Variants in ZNF462 observed in about 807,000 individuals in gnomAD.
ZNF462 encodes the protein zinc finger protein 462.
A neutral mutation model predicts 201.9 loss-of-function variants in ZNF462; 10 were observed. That is an observed-to-expected ratio of 0.05 (90% CI 0.03 to 0.08). The LOEUF (loss-of-function observed/expected upper bound fraction) is 0.08. Among genes scored for constraint, ZNF462 ranks in the 10% least tolerant of loss-of-function variants. The probability of loss-of-function intolerance (pLI) is 1.00; values close to 1 mark genes in which losing one functional copy is unlikely to be tolerated. For missense variants in ZNF462, 2,523 were observed against 3,168.3 expected (o/e 0.80, Z 4.89); for synonymous variants, 1,227 against 1,193.3 (o/e 1.03, Z -0.58).
chr9:106,871,364 G>T (rs1341364966), intron 1 of ZNF462, among the ~76,000 whole-genome samples: 1 of 152,176 alleles, frequency 6.6e-6, no homozygotes, highest in African/African-American at 2.4e-5. Flanking sequence ...AAGCTAACAG[G>T]AAAGTAGGCT....
chr9:106,988,291 C>G (rs780470487), intron 10 of ZNF462, among the ~76,000 whole-genome samples: 3 of 152,046 alleles, frequency 2.0e-5, no homozygotes, highest in Non-Finnish European at 2.9e-5. Context: ...GACACAAAAG[C>G]GGAAACCCCT....
At position 107,006,475 on chromosome 9, in the gene ZNF462, G is replaced by A. The variant is rs1320812515; in HGVS notation, c.7189+3049G>A. 1.3e-5 allele frequency among the ~76,000 whole-genome samples: 2 copies of A among 152,086 alleles called. No homozygotes were observed. The highest frequency in any genetic ancestry group is 2.4e-5 in the African/African-American group (1 of 41,418). The stretch of plus-strand genomic sequence containing the variant: ...CTGCACACCACTTTCCCAGTGCTTC[G>A]AGTAGTGTAATCTTCACTGAAGGGG... On this transcript the variant is annotated intron_variant, in intron 11 of 12. Transcript: ENST00000277225. The surrounding 1 kb of genome is among the most constrained non-coding windows in gnomAD (Gnocchi z 4.3).
chr9:106,899,804 G>A (rs1397259083), intron 1 of ZNF462, among the ~76,000 whole-genome samples: 1 of 152,152 alleles, frequency 6.6e-6, no homozygotes, highest in Non-Finnish European at 1.5e-5. Flanking sequence ...TTTAGGAGGA[G>A]ATAGTGTGGC....
Position 106,968,862 on chromosome 9 carries a change from GC to G in ZNF462, c.6428-3140del, listed in dbSNP as rs1477387494. ...TGATGATTTTTAACTTATGTGACATGCCCTTCGCAGCTAACAATCTGTTTGC... is the reference window on the plus strand; with the variant it reads ...TGATGATTTTTAACTTATGTGACATGCCTTCGCAGCTAACAATCTGTTTGC... On this transcript the variant is annotated intron_variant, in intron 7 of 12. Coordinates refer to ENST00000277225, the MANE Select transcript of ZNF462 (RefSeq NM_021224.6). The surrounding 1 kb of genome is among the most constrained non-coding windows in gnomAD (Gnocchi z 4.0). Among the ~76,000 whole-genome samples, 1 of 152,144 alleles carries G rather than the reference GC, an allele frequency of 6.6e-6. No homozygotes were observed. The highest frequency in any genetic ancestry group is 1.5e-5 in the Non-Finnish European group (1 of 68,016).
chr9:106,955,651 A>G (rs919456867), intron 7 of ZNF462, among the ~76,000 whole-genome samples: 7 of 152,190 alleles, frequency 4.6e-5, no homozygotes, highest in African/African-American at 1.2e-4. Context: ...TTTTACCCAC[A>G]GTAGAACTTC....
chr9:106,951,319 A>G (rs1338740348), intron 7 of ZNF462, among the ~76,000 whole-genome samples: 1 of 152,092 alleles, frequency 6.6e-6, no homozygotes, highest in Non-Finnish European at 1.5e-5. Flanking sequence ...AACGTTGAGT[A>G]AATAGATATC....
intron 7 of ZNF462, among the ~76,000 whole-genome samples, chr9:106,940,511 A>G (rs1260939431): frequency 6.6e-6 from 1 of 152,184 alleles, no homozygotes; most frequent in African/African-American, 2.4e-5. Context: ...GTAGGAGGAA[A>G]TGAAATGGTA....
chr9:106,928,773 C>A lies in ZNF462; in HGVS notation c.4861C>A (p.Pro1621Thr), dbSNP rs1830307220. 2 of 1,614,106 alleles carry A rather than the reference C, an allele frequency of 1.2e-6. No individual in the cohort carries two copies. Among genetic ancestry groups the A allele is most frequent in the Non-Finnish European group, 1.7e-6 (2 of 1,180,020 alleles). The part of the protein sequence containing the change: ...SPPKLPVPLE[P>T]EMTTEVSPSQ... Reference sequence around the variant, plus strand: ...CCCGAAGCTGCCAGTCCCCCTCGAGCCCGAGATGACCACTGAAGTGAGCCC... The same window carrying A: ...CCCGAAGCTGCCAGTCCCCCTCGAGACCGAGATGACCACTGAAGTGAGCCC... Residue 1621 changes from proline to threonine, a missense_variant, in exon 3 of 13, where the codon CCC becomes ACC. This residue lies in a region of ZNF462 where 200 missense variants were observed against 281.3 expected (regional missense o/e 0.71). Coordinates refer to ENST00000277225, the MANE Select transcript of ZNF462 (RefSeq NM_021224.6). This position sits in a 1 kb window ranked among gnomAD's most constrained non-coding sequence, Gnocchi z 9.3.
rs1828471658 is a variant in ZNF462 at position 106,993,738 on chromosome 9, A to T, written c.7056+9329A>T. Among the ~76,000 whole-genome samples, 1 of 151,850 alleles carries T rather than the reference A, an allele frequency of 6.6e-6. No homozygotes were observed. The highest frequency in any genetic ancestry group is 6.6e-5 in the Admixed American group (1 of 15,218). ...CCTTTATTAGCAATACTGTTGAAAG[A>T]TGAAGACAACATTTTTTCTTTTTTG... On this transcript the variant is annotated intron_variant, in intron 10 of 12. Coordinates refer to ENST00000277225, the MANE Select transcript of ZNF462 (RefSeq NM_021224.6). The surrounding 1 kb of genome is among the most constrained non-coding windows in gnomAD (Gnocchi z 4.0).
chr9:106,966,994 A>G lies in ZNF462; in HGVS notation c.6428-5011A>G, dbSNP rs1223701869. Among the ~76,000 whole-genome samples, 1 of 152,062 alleles carries G rather than the reference A, an allele frequency of 6.6e-6. No individual in the cohort carries two copies. Among genetic ancestry groups the G allele is most frequent in the Non-Finnish European group, 1.5e-5 (1 of 67,984 alleles). ...TCCTCTGGTATAGCTTCCTCTTTGT[A>G]TCACTTAGAGCATGCAAGGGGGCTG... On this transcript the variant is annotated intron_variant, in intron 7 of 12. Transcript: ENST00000277225. This position sits in a 1 kb window ranked among gnomAD's most constrained non-coding sequence, Gnocchi z 4.4.
rs1436555125 is a variant in ZNF462 at position 106,895,575 on chromosome 9, T to C, written c.-30-27779T>C. ...AAGGATGATAAGAGATCCCTGTTTCTGTCCGAATGAAGGGAGGGAGGGAAG... is the reference window on the plus strand; with the variant it reads ...AAGGATGATAAGAGATCCCTGTTTCCGTCCGAATGAAGGGAGGGAGGGAAG... On this transcript the variant is annotated intron_variant, in intron 1 of 12. Transcript: ENST00000277225. This position sits in a 1 kb window ranked among gnomAD's most constrained non-coding sequence, Gnocchi z 4.4. 6.6e-6 allele frequency among the ~76,000 whole-genome samples: 1 copy of C among 152,208 alleles called. No individual in the cohort carries two copies. The highest frequency in any genetic ancestry group is 1.5e-5 in the Non-Finnish European group (1 of 68,026).
At position 106,905,753 on chromosome 9, in the gene ZNF462, A is replaced by G. The variant is rs1365933284; in HGVS notation, c.-30-17601A>G. ...GTCTCACTCTCACCGTGACCCCCGC[A>G]ACAGCCCCGAGTCTGTTTCCAGGTG... On this transcript the variant is annotated intron_variant, in intron 1 of 12. Coordinates refer to ENST00000277225, the MANE Select transcript of ZNF462 (RefSeq NM_021224.6). This position sits in a 1 kb window ranked among gnomAD's most constrained non-coding sequence, Gnocchi z 5.9. Among the ~76,000 whole-genome samples, 1 of 152,144 alleles carries G rather than the reference A, an allele frequency of 6.6e-6. No homozygotes were observed. Among genetic ancestry groups the G allele is most frequent in the Non-Finnish European group, 1.5e-5 (1 of 68,020 alleles).
chr9:106,924,434 G>A lies in ZNF462; in HGVS notation c.522G>A (p.Arg174=), dbSNP rs1244817648. The change falls in exon 3 of 13, where the codon AGG becomes AGA. Residue 174 remains arginine (R), a synonymous_variant. Transcript: ENST00000277225. This position sits in a 1 kb window ranked among gnomAD's most constrained non-coding sequence, Gnocchi z 6.2. ...CQFCTYKSPR[R]ARIIKHQKMY... The stretch of plus-strand genomic sequence containing the variant: ...TTTGCACATACAAGTCACCAAGAAG[G>A]GCAAGAATAATTAAGCATCAGAAGA... 1.9e-6 allele frequency: 3 copies of A among 1,614,046 alleles called. No individual in the cohort carries two copies. Among genetic ancestry groups the A allele is most frequent in the South Asian group, 1.1e-5 (1 of 91,058 alleles).
At position 106,964,413 on chromosome 9, in the gene ZNF462, A is replaced by G. The variant is rs543029848; in HGVS notation, c.6428-7592A>G. ...AGCATTTTAATTTCATTTAAAATGT[A>G]AATACATGTATTCACCAGTATTGTG... is the stretch of plus-strand genomic sequence containing the variant. On this transcript the variant is annotated intron_variant, in intron 7 of 12. Coordinates refer to ENST00000277225, the MANE Select transcript of ZNF462 (RefSeq NM_021224.6). 5.3e-5 allele frequency among the ~76,000 whole-genome samples: 8 copies of G among 152,186 alleles called. 1 individual carries two copies. Among genetic ancestry groups the G allele is most frequent in the African/African-American group, 1.9e-4 (8 of 41,546 alleles).
rs1830469749 is a variant in ZNF462 at position 106,932,595 on chromosome 9, C to A, written c.6116+46C>A. 6.2e-7 allele frequency: 1 copy of A among 1,613,286 alleles called. No individual in the cohort carries two copies. Among genetic ancestry groups the A allele is most frequent in the South Asian group, 1.1e-5 (1 of 91,000 alleles). Reference sequence around the variant, plus strand: ...ACTAGTGGTTACTGGGAGATGATGTCATAGTGGAAGGCACTAAGCTAAAGC... The same window carrying A: ...ACTAGTGGTTACTGGGAGATGATGTAATAGTGGAAGGCACTAAGCTAAAGC... On this transcript the variant is annotated intron_variant, in intron 5 of 12. Transcript: ENST00000277225. This position sits in a 1 kb window ranked among gnomAD's most constrained non-coding sequence, Gnocchi z 6.8.
chr9:106,893,789 G>A (rs1330091396), intron 1 of ZNF462, among the ~76,000 whole-genome samples: 2 of 152,178 alleles, frequency 1.3e-5, no homozygotes, highest in African/African-American at 4.8e-5. Flanking sequence ...TTTAGCATAT[G>A]AGAAAACAGA....
chr9:106,873,126 T>C (rs557615313), intron 1 of ZNF462, among the ~76,000 whole-genome samples: 1 of 152,206 alleles, frequency 6.6e-6, no homozygotes, highest in Non-Finnish European at 1.5e-5. Context: ...GTTTATCTCT[T>C]CCAGTTGCTT....
intron 1 of ZNF462, among the ~76,000 whole-genome samples, chr9:106,907,736 T>G (rs1829331810): frequency 6.6e-6 from 1 of 152,144 alleles, no homozygotes; most frequent in East Asian, 1.9e-4. Flanking sequence ...TTGTTTTTAA[T>G]GTAGTCAAAT....
intron 10 of ZNF462, among the ~76,000 whole-genome samples, chr9:107,001,433 T>C (rs1829176691): frequency 6.6e-6 from 1 of 152,296 alleles, no homozygotes; most frequent in East Asian, 1.9e-4. Flanking sequence ...TCTCAAGCAC[T>C]ATGCTGACCT....
Sources: allele counts gnomAD v4.1 joint callset (sites outside exome capture counted in the v4.1 genomes callset), GRCh38; gene constraint gnomAD v4.1.1; regional missense constraint gnomAD v4.1.1; non-coding constraint Gnocchi (gnomAD v3.1); transcripts MANE v1.5; gene names NCBI Gene and HGNC (gene_info 2026-07-23, HGNC 2026-07-21).